DCAF6: variants seen among roughly 807,000 people sequenced by gnomAD.
DCAF6 encodes the protein DDB1 and CUL4 associated factor 6.
DCAF6 carries 54 observed loss-of-function variants against 125.1 expected under a neutral mutation model. The ratio of observed to expected loss-of-function variants is 0.43; its 90% CI spans 0.35 to 0.54. The LOEUF (loss-of-function observed/expected upper bound fraction) is 0.54, where lower values mean the gene tolerates loss of function less well. Among genes scored for constraint, DCAF6 ranks in the 20% least tolerant of loss-of-function variants. DCAF6 has a pLI of 0.01. For missense variants in DCAF6, 934 were observed against 1,161.7 expected (o/e 0.80, Z 2.85); for synonymous variants, 371 against 390.4 (o/e 0.95, Z 0.58).
At chr1:168,011,196 A>G (rs1684237342) in intron 10 of DCAF6, among the ~76,000 whole-genome samples, 1 of 144,954 alleles carries the variant, frequency 6.9e-6, no homozygotes, top group South Asian at 2.1e-4. Flanking sequence ...GGCTCACTGC[A>G]ACCTCTGCCC....
chr1:167,975,102 A>C, intron 4 of DCAF6, 87 bp downstream of exon 4: 1 of 748,078 alleles, frequency 1.3e-6, no homozygotes, highest in East Asian at 3.2e-5. Context: ...ATGTGTGTAC[A>C]TGTACAGATG....
intron 4 of DCAF6, among the ~76,000 whole-genome samples, chr1:167,980,394 C>T (rs1678919691): frequency 6.7e-6 from 1 of 148,876 alleles, no homozygotes; most frequent in Non-Finnish European, 1.5e-5. Flanking sequence ...TGAGGACCCT[C>T]CATACTATTT....
At chr1:167,937,098 C>T (rs1016848889) in intron 1 of DCAF6, 90 bp downstream of exon 1, 17 of 1,177,812 alleles carry the variant, frequency 1.4e-5, no homozygotes, top group Non-Finnish European at 2.1e-5. Context: ...GGTGGGACGG[C>T]GTCTCGGTGG....
chr1:168,047,016 A>C (rs1274703717), intron 16 of DCAF6, among the ~76,000 whole-genome samples: 4 of 152,130 alleles, frequency 2.6e-5, no homozygotes, highest in African/African-American at 9.6e-5. Flanking sequence ...ATAACACTTA[A>C]TACCAAGCCT....
chr1:168,040,163 C>CA (rs1231043000), intron 13 of DCAF6, among the ~76,000 whole-genome samples: 1 of 151,816 alleles, frequency 6.6e-6, no homozygotes, highest in Non-Finnish European at 1.5e-5. Flanking sequence ...AGGAGTGAGC[C>CA]ACGTATTTAT....
At chr1:167,973,103 A>C (rs989821922) in intron 3 of DCAF6, among the ~76,000 whole-genome samples, 4 of 152,212 alleles carry the variant, frequency 2.6e-5, no homozygotes, top group African/African-American at 9.6e-5. Context: ...AACCACCCTA[A>C]ATCTCTGACA....
intron 6 of DCAF6, 124 bp downstream of exon 6, chr1:167,991,463 G>T: frequency 1.1e-6 from 1 of 903,700 alleles, no homozygotes; most frequent in Non-Finnish European, 1.5e-6. Context: ...TGTTTAATAT[G>T]GATTATTATA....
chr1:167,978,830 TA>T (rs1219151450), intron 4 of DCAF6, among the ~76,000 whole-genome samples: 2 of 152,112 alleles, frequency 1.3e-5, no homozygotes, highest in Non-Finnish European at 2.9e-5. Context: ...TAATTTTTTT[TA>T]TTTTTTGTAG....
intron 21 of DCAF6, among the ~76,000 whole-genome samples, chr1:168,071,857 C>T (rs1693080948): frequency 6.6e-6 from 1 of 152,156 alleles, no homozygotes. Context: ...TTTTCTAGCT[C>T]ACTACATTTT....
chr1:167,937,334 A>T (rs1187268555), intron 1 of DCAF6: 1 of 336,700 alleles, frequency 3.0e-6, no homozygotes. Flanking sequence ...TGCCGCGTTT[A>T]GAGCAAAAGT....
chr1:168,033,928 A>C (rs1572029733), intron 12 of DCAF6, among the ~76,000 whole-genome samples: 1 of 152,260 alleles, frequency 6.6e-6, no homozygotes, highest in South Asian at 2.1e-4. Flanking sequence ...AGCACACTAC[A>C]AATAAATATT....
chr1:168,003,770 A>T, intron 8 of DCAF6, 100 bp from the exon 9 acceptor site: 1 of 1,086,270 alleles, frequency 9.2e-7, no homozygotes, highest in Non-Finnish European at 1.3e-6. Context: ...GATTTTTAAA[A>T]ATATGCTTTC....
At chr1:168,023,970 C>T (rs1281467243) in intron 12 of DCAF6, 2 of 151,860 alleles carry the variant, frequency 1.3e-5, no homozygotes, top group Non-Finnish European at 2.9e-5. Context: ...ATCCCAGCTA[C>T]TTGGGAGGCT....
At position 167,976,428 on chromosome 1, in the gene DCAF6, C is replaced by T. The variant is rs936725330; in HGVS notation, c.438+1413C>T. On this transcript the variant is annotated intron_variant, in intron 4 of 21. Coordinates refer to ENST00000367840, the MANE Select transcript of DCAF6 (RefSeq NM_001198956.2). ...CAGAGGTTGCAGTCAGCCAAGACTG[C>T]GCTACTGTACTCCAACCTGGGCGAC... Among the ~76,000 whole-genome samples the T allele has an allele frequency of 7.2e-5, 11 of 152,086 alleles. No individual in the cohort carries two copies. The South Asian group carries it at 8.3e-4, about 11-fold the overall frequency.
chr1:167,898,103 A>G, the DCAF6 span, among the ~76,000 whole-genome samples: 3 of 151,026 alleles, frequency 2.0e-5, no homozygotes, highest in African/African-American at 4.9e-5. Flanking sequence ...AAAACTGGTG[A>G]CATTCAAATA....
At chr1:167,994,607 C>A (rs897788456) in intron 7 of DCAF6, among the ~76,000 whole-genome samples, 2 of 152,064 alleles carry the variant, frequency 1.3e-5, no homozygotes, top group Admixed American at 1.3e-4. Flanking sequence ...CACAAGACTA[C>A]TAGAAGATAA....
chr1:167,891,282 ACT>A, the DCAF6 span, among the ~76,000 whole-genome samples: 1 of 150,788 alleles, frequency 6.6e-6, no homozygotes, highest in Non-Finnish European at 1.5e-5. Context: ...AATCTGCCAC[ACT>A]CTCCTGCCTC....
intron 13 of DCAF6, among the ~76,000 whole-genome samples, chr1:168,041,971 T>G (rs1264364035): frequency 6.6e-6 from 1 of 150,730 alleles, no homozygotes; most frequent in African/African-American, 2.4e-5. Flanking sequence ...GTAATTCTAC[T>G]GACATGACAC....
intron 2 of DCAF6, among the ~76,000 whole-genome samples, chr1:167,953,899 C>G (rs181126843): frequency 2.0e-5 from 3 of 152,000 alleles, no homozygotes; most frequent in Non-Finnish European, 4.4e-5. Flanking sequence ...GTTCCTGGCC[C>G]AACATTTTTT....
Sources: gnomAD v4.1 joint callset for allele counts (sites outside exome capture counted in the v4.1 genomes callset) on GRCh38, gnomAD v4.1.1 for gene constraint, MANE v1.5 for transcripts, NCBI Gene and HGNC (gene_info 2026-07-23, HGNC 2026-07-21) for gene names.